The following BRIX1 variants were observed in gnomAD, a reference collection of about 807,000 sequenced individuals.
BRIX1 encodes ribosome biogenesis protein BRX1 homolog.
A neutral mutation model predicts 44.0 loss-of-function variants in BRIX1; 15 were observed. The observed-to-expected ratio is 0.34, with a 90% CI of 0.23 to 0.53. BRIX1 has a LOEUF of 0.53. BRIX1 is among the 20% of genes least tolerant of loss of function. The pLI is 0.95. For missense variants in BRIX1, 420 were observed against 432.8 expected, an observed-to-expected ratio of 0.97 and a Z score of 0.26; for synonymous variants, 149 against 135.4, an observed-to-expected ratio of 1.10 and a Z score of -0.70.
rs1252712298 is a variant in BRIX1 at position 34,924,915 on chromosome 5, C to T, written c.732C>T (p.Phe244=). Residue 244 remains phenylalanine, a synonymous_variant, in exon 9 of 10, where the codon TTC becomes TTT. Transcript: ENST00000336767. Reference sequence around the variant, plus strand: ...TTGTCTTAAATCTCATAAAGATTTTCCAGGGAAGTTTTGGAGGACCAACTT... The same window carrying T: ...TTGTCTTAAATCTCATAAAGATTTTTCAGGGAAGTTTTGGAGGACCAACTT... ...PRFVLNLIKI[F]QGSFGGPTLY... is the part of the protein sequence containing the mutation. The T allele has an allele frequency of 6.2e-7, 1 of 1,612,502 alleles. No individual in the cohort carries two copies. The highest frequency in any genetic ancestry group is 8.5e-7 in the Non-Finnish European group (1 of 1,178,788).
At chr5:34,924,239 T>G (rs924818358) in intron 8 of BRIX1, among the ~76,000 whole-genome samples, 2 of 152,178 alleles carry the variant, frequency 1.3e-5, no homozygotes, top group African/African-American at 4.8e-5. Flanking sequence ...GAACAAAATT[T>G]TAGACAGTAT....
chr5:34,922,469 A>T, intron 4 of BRIX1, 70 bp from the exon 5 acceptor site: 1 of 1,006,774 alleles, frequency 9.9e-7, no homozygotes, highest in Non-Finnish European at 1.5e-6. Flanking sequence ...CATATTATTT[A>T]TGGTGAATAG....
chr5:34,918,593 C>T (rs990852543), intron 2 of BRIX1, 118 bp downstream of exon 2: 5 of 535,194 alleles, frequency 9.3e-6, no homozygotes, highest in Non-Finnish European at 1.3e-5. Context: ...AACACAATGC[C>T]TTTTATCCTT....
At chr5:34,921,993 T>C (rs1200734990) in intron 3 of BRIX1, 4 of 280,078 alleles carry the variant, frequency 1.4e-5, no homozygotes, top group Non-Finnish European at 2.6e-5. Flanking sequence ...ATATGATAGA[T>C]AATTTCACCC....
At position 34,923,123 on chromosome 5, in the gene BRIX1, T is replaced by C; in HGVS notation, c.562-10T>C. The C allele has an allele frequency of 1.2e-6, 2 of 1,609,796 alleles. No homozygotes were observed. The highest frequency in any genetic ancestry group is 1.7e-6 in the Non-Finnish European group (2 of 1,176,122). ...TGGAATAAGGAACTAACATACACTT[T>C]TTTAACTAGATCTTTAGTACACCAC... On this transcript the variant is annotated splice_polypyrimidine_tract_variant and intron_variant, in intron 7 of 9. Transcript: ENST00000336767.
chr5:34,922,904 T>G (rs1764271276), intron 6 of BRIX1, 97 bp from the exon 7 acceptor site: 1 of 1,226,124 alleles, frequency 8.2e-7, no homozygotes, highest in Non-Finnish European at 1.2e-6. Context: ...CAGGTACATT[T>G]ATAATGAGGT....
rs115983341 is a variant in BRIX1, at chr5:34,925,438, G to C, written c.1005G>C (p.Arg335=). 2.2e-4 allele frequency: 354 copies of C among 1,613,846 alleles called. No homozygotes were observed. In the African/African-American group the frequency reaches 4.1e-3, roughly 18 times the overall value. Residue 335 remains arginine (R), a synonymous_variant, in exon 10 of 10, where the codon CGG becomes CGC. Transcript: ENST00000336767. ...PKVDLKARKK[R]IYKRQRKMKQ... The stretch of plus-strand genomic sequence containing the variant: ...TTGATTTGAAAGCAAGAAAGAAACG[G>C]ATTTACAAAAGGCAAAGAAAAATGA...
Position 34,915,827 on chromosome 5 carries a change from C to G in BRIX1, c.89C>G (p.Ala30Gly). The change falls in exon 1 of 10, where the codon GCT (alanine) becomes GGT (glycine). Residue 30 changes from alanine to glycine, a missense_variant. By Grantham distance (60) the Ala-to-Gly change is moderately conservative. Coordinates refer to ENST00000336767, the MANE Select transcript of BRIX1 (RefSeq NM_018321.4). ...KRNEIDAEPP[A>G]KRHATAEEVE... ...AACGAAATAGATGCGGAGCCGCCAG[C>G]TAAGCGGCACGCCACAGCAGAGGAG... is the stretch of plus-strand genomic sequence containing the variant. The G allele has an allele frequency of 6.4e-7, 1 of 1,573,320 alleles. No individual in the cohort carries two copies. Among genetic ancestry groups the G allele is most frequent in the East Asian group, 2.3e-5 (1 of 42,648 alleles).
Position 34,925,302 on chromosome 5 carries a change from G to A in BRIX1, c.869G>A (p.Arg290Lys), listed in dbSNP as rs1440514184. The change falls in exon 10 of 10, where the codon AGA becomes AAA. Residue 290 changes from arginine to lysine, a missense_variant. By Grantham distance (26) the Arg-to-Lys change is conservative. Transcript: ENST00000336767. ...KQQVKDVQKLRKKEPKTLLPH... is the reference protein window; with the variant it reads ...KQQVKDVQKLKKKEPKTLLPH... Reference sequence around the variant, plus strand: ...CAAGTGAAAGATGTGCAAAAACTGAGAAAGAAAGAGCCGAAGACTCTTCTT... The same window carrying A: ...CAAGTGAAAGATGTGCAAAAACTGAAAAAGAAAGAGCCGAAGACTCTTCTT... 5.8e-5 allele frequency: 94 copies of A among 1,612,044 alleles called. No homozygotes were observed. Among genetic ancestry groups the A allele is most frequent in the Non-Finnish European group, 7.9e-5 (93 of 1,179,800 alleles).
In BRIX1 at chr5:34,923,096, C is replaced by G. The variant is rs1362765739; in HGVS notation, c.562-37C>G. The stretch of plus-strand genomic sequence containing the variant: ...GCTATCCAAAATATACATGATATAT[C>G]TTGGAATAAGGAACTAACATACACT... On this transcript the variant is annotated intron_variant, in intron 7 of 9. Coordinates refer to ENST00000336767, the MANE Select transcript of BRIX1 (RefSeq NM_018321.4). The G allele has an allele frequency of 1.9e-6, 3 of 1,570,180 alleles. No homozygotes were observed. The African/African-American group carries it at 4.1e-5, about 21-fold the overall frequency.
intron 8 of BRIX1, 22 bp downstream of exon 8, chr5:34,923,256 A>G: frequency 6.7e-7 from 1 of 1,487,328 alleles, no homozygotes; most frequent in East Asian, 2.3e-5. Context: ...TTGATTTTTA[A>G]TTATACCTTT....
intron 8 of BRIX1, 96 bp downstream of exon 8, chr5:34,923,330 A>C (rs37431): frequency 0.26 from 249,840 of 975,174 alleles, 33,808 homozygotes; most frequent in East Asian, 0.38. Context: ...CCCAGGCTGG[A>C]CTGCAGTGGC....
intron 8 of BRIX1, among the ~76,000 whole-genome samples, chr5:34,924,412 T>TA (rs1284108882): frequency 6.6e-6 from 1 of 152,212 alleles, no homozygotes; most frequent in African/African-American, 2.4e-5. Context: ...CAGTAGCTAT[T>TA]AAATAAATTT....
At chr5:34,923,481 T>C in intron 8 of BRIX1, 1 of 444,522 alleles carries the variant, frequency 2.2e-6, no homozygotes, top group Non-Finnish European at 4.1e-6. Context: ...TTTCGCCATG[T>C]TGGCCAGGCT....
chr5:34,923,808 T>C (rs942670008), intron 8 of BRIX1, among the ~76,000 whole-genome samples: 1 of 152,204 alleles, frequency 6.6e-6, no homozygotes, highest in Non-Finnish European at 1.5e-5. Context: ...CCTAAAGAGA[T>C]TGCTGCAAGT....
chr5:34,922,903 T>C (rs957212730), intron 6 of BRIX1, 98 bp from the exon 7 acceptor site: 1 of 1,233,864 alleles, frequency 8.1e-7, no homozygotes, highest in African/African-American at 1.5e-5. Flanking sequence ...TCAGGTACAT[T>C]TATAATGAGG....
At chr5:34,918,815 G>GA (rs1245422990) in intron 2 of BRIX1, 4 of 160,788 alleles carry the variant, frequency 2.5e-5, no homozygotes, top group Admixed American at 7.2e-5. Flanking sequence ...TGCTTTTTGG[G>GA]CCTTTTTTTT....
chr5:34,921,205 T>G (rs1764230052), intron 3 of BRIX1: 1 of 152,242 alleles, frequency 6.6e-6, no homozygotes, highest in Non-Finnish European at 1.5e-5. Context: ...AATTAGAGTT[T>G]ATGAATACTA....
rs370425530 is a variant in BRIX1 at position 34,919,880 on chromosome 5, C to T, written c.312C>T (p.Asn104=). 2.5e-5 allele frequency: 29 copies of T among 1,168,052 alleles called. No homozygotes were observed. The highest frequency in any genetic ancestry group is 3.3e-5 in the Non-Finnish European group (27 of 812,936). The allele number at this position is 1,168,052 out of a possible 1,614,324, so 72.4% of individuals were successfully genotyped here. Residue 104 remains asparagine (N), a synonymous_variant, in exon 3 of 10, where the codon AAC becomes AAT. Transcript: ENST00000336767. ...GTAAGGATAAGCTATTTGTGATTAA[C>T]GAGGTAATTTTGGAAAGTAATTGCA... is the stretch of plus-strand genomic sequence containing the variant. ...MDRKDKLFVI[N]EVCEMKNCNK...
Sources: allele counts gnomAD v4.1 joint callset (sites outside exome capture counted in the v4.1 genomes callset), GRCh38; gene constraint gnomAD v4.1.1; transcripts MANE v1.5; gene names NCBI Gene and HGNC (gene_info 2026-07-23, HGNC 2026-07-21).